NLRP1: variants seen among roughly 807,000 people sequenced by gnomAD.
NLRP1 encodes NLR family pyrin domain containing 1, also known as NACHT, LRR and PYD domains-containing protein 1.
Under a neutral mutation model 136.7 loss-of-function variants are expected in NLRP1, and 94 were observed. The ratio of observed to expected loss-of-function variants is 0.69; its 90% CI spans 0.58 to 0.82. NLRP1 has a LOEUF of 0.82. NLRP1 is among the 40% of genes least tolerant of loss of function. NLRP1 has a pLI of 0.00. For missense variants in NLRP1, 1,575 were observed against 1,802.7 expected (o/e 0.87, Z 2.29); for synonymous variants, 690 against 725.1 (o/e 0.95, Z 0.78).
chr17:5,560,003 C>T lies in NLRP1; in HGVS notation c.693G>A (p.Arg231=), dbSNP rs779303641. 6 of 1,584,312 alleles carry T rather than the reference C, an allele frequency of 3.8e-6. No homozygotes were observed. The highest frequency in any genetic ancestry group is 5.1e-6 in the Non-Finnish European group (6 of 1,167,596). Residue 231 remains arginine (R), a synonymous_variant, in exon 4 of 17, where the codon AGG becomes AGA. Transcript: ENST00000572272. ...EREREKSEKG[R]PPWAAVVGTP... ...TTCCTACCACCGCTGCCCATGGGGG[C>T]CTGCCTTTCTCTGATTTCTCTCTCT...
Position 5,514,661 on chromosome 17 carries a change from C to G in NLRP1, c.*93G>C. 3 of 1,551,146 alleles carry G rather than the reference C, an allele frequency of 1.9e-6. No homozygotes were observed. The highest frequency in any genetic ancestry group is 2.6e-6 in the Non-Finnish European group (3 of 1,148,068). On this transcript the variant is annotated 3_prime_UTR_variant, in exon 17 of 17. Coordinates refer to ENST00000572272, the MANE Select transcript of NLRP1 (RefSeq NM_033004.4). ...ATTACTTTAGTGCTGGAAGGCAAAC[C>G]AGATGGCAACTTGTTTGCAGAGAAA... is the stretch of plus-strand genomic sequence containing the variant.
chr17:5,579,829 C>T (rs1238448176), intron 3 of NLRP1, among the ~76,000 whole-genome samples: 1 of 152,160 alleles, frequency 6.6e-6, no homozygotes, highest in Non-Finnish European at 1.5e-5. Flanking sequence ...TGAAATACCG[C>T]ATGTTCTCAT....
At chr17:5,580,271 A>G (rs1315248256) in intron 3 of NLRP1, among the ~76,000 whole-genome samples, 1 of 152,038 alleles carries the variant, frequency 6.6e-6, no homozygotes, top group Admixed American at 6.6e-5. Flanking sequence ...AACAACAAAC[A>G]AAAAACAAAA....
chr17:5,530,479 A>G lies in NLRP1; in HGVS notation c.3520+2T>C. ...TCCTCCCTATCCTTCCCTGTTGTTT[A>G]CCTTGGAGAGCCACAAAGTGAGGGA... On this transcript the variant is annotated splice_donor_variant, in intron 12 of 16. Transcript: ENST00000572272. LOFTEE classifies it high-confidence loss of function. 6.2e-7 allele frequency: 1 copy of G among 1,612,842 alleles called. No individual in the cohort carries two copies. The highest frequency in any genetic ancestry group is 8.5e-7 in the Non-Finnish European group (1 of 1,179,268).
At chr17:5,576,474 AC>A (rs1236188164) in intron 3 of NLRP1, among the ~76,000 whole-genome samples, 1 of 152,226 alleles carries the variant, frequency 6.6e-6, no homozygotes, top group African/African-American at 2.4e-5. Context: ...AATACAAACT[AC>A]CATCAGAGAA....
intron 11 of NLRP1, among the ~76,000 whole-genome samples, chr17:5,531,829 T>TA (rs1374520921): frequency 6.6e-6 from 1 of 152,176 alleles, no homozygotes; most frequent in African/African-American, 2.4e-5. Flanking sequence ...ACTAGTACAG[T>TA]CCTTAGCTCA....
intron 3 of NLRP1, among the ~76,000 whole-genome samples, chr17:5,567,557 T>C (rs1403537761): frequency 1.3e-5 from 2 of 152,138 alleles, no homozygotes; most frequent in East Asian, 3.8e-4. Flanking sequence ...TTATTTTTGA[T>C]TGGTTCATCA....
chr17:5,552,625 T>G (rs564548745), intron 5 of NLRP1, among the ~76,000 whole-genome samples: 2 of 152,320 alleles, frequency 1.3e-5, no homozygotes, highest in South Asian at 4.1e-4. Context: ...TATCTTCCTC[T>G]TCCTTTTTTT....
At chr17:5,576,221 A>G (rs146862098) in intron 3 of NLRP1, among the ~76,000 whole-genome samples, 2,708 of 152,296 alleles carry the variant, frequency 0.018, 75 homozygotes, top group African/African-American at 0.062. Flanking sequence ...AAGAACTAGA[A>G]AAGCAAGAGC....
chr17:5,533,161 C>A, intron 10 of NLRP1, 143 bp downstream of exon 10: 1 of 1,469,258 alleles, frequency 6.8e-7, no homozygotes, highest in Non-Finnish European at 9.1e-7. Context: ...GGGAGCCCCA[C>A]TCCAGTGCCT....
chr17:5,558,023 C>T (rs1270556952), intron 4 of NLRP1, among the ~76,000 whole-genome samples: 5 of 151,896 alleles, frequency 3.3e-5, no homozygotes, highest in Non-Finnish European at 7.4e-5. Flanking sequence ...TAGCTAAGGT[C>T]AGCAGGAAGG....
At chr17:5,535,392 T>C (rs1405653358) in intron 8 of NLRP1, among the ~76,000 whole-genome samples, 1 of 152,116 alleles carries the variant, frequency 6.6e-6, no homozygotes, top group Admixed American at 6.5e-5. Flanking sequence ...TGGCCTCCCA[T>C]TCCTCCAGGA....
Position 5,541,810 on chromosome 17 carries a change from T to C in NLRP1, c.2699+47A>G. Reference sequence around the variant, plus strand: ...CTCTTACCCTCTGCCTGCCTCATGGTGGCAGGCAGTTCCCTCCACCTCCCC... The same window carrying C: ...CTCTTACCCTCTGCCTGCCTCATGGCGGCAGGCAGTTCCCTCCACCTCCCC... On this transcript the variant is annotated intron_variant, in intron 6 of 16. Coordinates refer to ENST00000572272, the MANE Select transcript of NLRP1 (RefSeq NM_033004.4). This position sits in a 1 kb window ranked among gnomAD's most constrained non-coding sequence, Gnocchi z 4.2. 6.3e-7 allele frequency: 1 copy of C among 1,576,542 alleles called. No individual in the cohort carries two copies. Among genetic ancestry groups the C allele is most frequent in the Non-Finnish European group, 8.7e-7 (1 of 1,148,798 alleles).
chr17:5,546,488 G>A (rs867454331), intron 5 of NLRP1, among the ~76,000 whole-genome samples: 2 of 151,978 alleles, frequency 1.3e-5, no homozygotes, highest in South Asian at 2.1e-4. Context: ...TGCTCTTTCC[G>A]GCATTCCTTT....
At chr17:5,505,300 T>C (rs945291110) in intron 15 of NLRP1, 1 of 152,386 alleles carries the variant, frequency 6.6e-6, no homozygotes, top group Admixed American at 6.5e-5. Flanking sequence ...TCACATCCAA[T>C]GCTGATCATC....
In NLRP1 at chr17:5,559,115, G is replaced by C; in HGVS notation, c.1581C>G (p.Cys527Trp). 1 of 1,614,210 alleles carries C rather than the reference G, an allele frequency of 6.2e-7. No homozygotes were observed. The highest frequency in any genetic ancestry group is 8.5e-7 in the Non-Finnish European group (1 of 1,180,044). ...GCTTCATCTGCTGCATCAGGCAAGT[G>C]CAGGCCAGCCAGGACACCCAGGGCA... ...CLVPWVSWLA[C>W]TCLMQQMKRK... is the part of the protein sequence containing the mutation. The change falls in exon 4 of 17, where the codon TGC becomes TGG. Residue 527 changes from cysteine (C) to tryptophan (W), a missense_variant. Coordinates refer to ENST00000572272, the MANE Select transcript of NLRP1 (RefSeq NM_033004.4).
At position 5,583,948 on chromosome 17, in the gene NLRP1, C is replaced by T. The variant is rs201312429; in HGVS notation, c.10G>A (p.Gly4Arg). The T allele has an allele frequency of 3.6e-5, 58 of 1,609,008 alleles. No individual in the cohort carries two copies. Among genetic ancestry groups the T allele is most frequent in the East Asian group, 6.7e-5 (3 of 44,874 alleles). The change falls in exon 1 of 17, where the codon GGA becomes AGA. Residue 4 changes from glycine to arginine, a missense_variant. Transcript: ENST00000572272. This position sits in a 1 kb window ranked among gnomAD's most constrained non-coding sequence, Gnocchi z 4.5. ...TAACAGGCCAGGCGGCCCCAGGCTC[C>T]GCCAGCCATCTCTGTCCCGGAGTTA... is the stretch of plus-strand genomic sequence containing the variant. MAGGAWGRLACYLE... is the reference protein window; with the variant it reads MAGRAWGRLACYLE...
At chr17:5,582,933 C>A in intron 1 of NLRP1, 87 bp from the exon 2 acceptor site, 1 of 1,057,862 alleles carries the variant, frequency 9.5e-7, no homozygotes, top group Non-Finnish European at 1.4e-6. Context: ...CTCTCTCAAC[C>A]AAGAGAGGTC....
At chr17:5,555,475 C>T (rs12952870) in intron 4 of NLRP1, among the ~76,000 whole-genome samples, 9,879 of 152,200 alleles carry the variant, frequency 0.065, 406 homozygotes, top group African/African-American at 0.11. Context: ...TCTTAAGGCT[C>T]CACTTGCTCC....
Sources: allele counts gnomAD v4.1 joint callset (sites outside exome capture counted in the v4.1 genomes callset), GRCh38; gene constraint gnomAD v4.1.1; non-coding constraint Gnocchi (gnomAD v3.1); transcripts MANE v1.5; gene names NCBI Gene and HGNC (gene_info 2026-07-23, HGNC 2026-07-21).